The following GABRG3 variants were observed in gnomAD, a reference collection of about 807,000 sequenced individuals.
GABRG3 encodes gamma-aminobutyric acid type A receptor subunit gamma3.
A neutral mutation model predicts 48.8 loss-of-function variants in GABRG3; 25 were observed. The observed-to-expected ratio is 0.51, with a 90% CI of 0.37 to 0.72. GABRG3 has a LOEUF of 0.72. Ranked by LOEUF, GABRG3 falls within the 30% of genes least tolerant of loss-of-function variation. The probability of loss-of-function intolerance (pLI) is 0.00; values close to 1 mark genes in which losing one functional copy is unlikely to be tolerated. For synonymous variants in GABRG3, 227 were observed against 217.6 expected (o/e 1.04, Z -0.38); for missense variants, 394 against 577.9 (o/e 0.68, Z 3.26).
chr15:27,041,219 G>A (rs571776549), intron 3 of GABRG3, among the ~76,000 whole-genome samples: 1 of 152,210 alleles, frequency 6.6e-6, no homozygotes, highest in East Asian at 1.9e-4. Context: ...GTCTCTCTGT[G>A]TCACCCAGGC....
Position 27,057,760 on chromosome 15 carries a change from G to A in GABRG3, c.270+30939G>A, listed in dbSNP as rs139758616. Among the ~76,000 whole-genome samples, 6 of 152,286 alleles carry A rather than the reference G, an allele frequency of 3.9e-5. No individual in the cohort carries two copies. In the South Asian group the frequency reaches 8.3e-4, roughly 21 times the overall value. On this transcript the variant is annotated intron_variant, in intron 3 of 9. Coordinates refer to ENST00000615808, the MANE Select transcript of GABRG3 (RefSeq NM_033223.5). ...ATCTATCATACCAGCAGGTGGAATCGGTGTAGTTCAGGACATTCGCCATTT... is the reference window on the plus strand; with the variant it reads ...ATCTATCATACCAGCAGGTGGAATCAGTGTAGTTCAGGACATTCGCCATTT...
At chr15:27,313,969 T>C (rs1893122616) in intron 3 of GABRG3, among the ~76,000 whole-genome samples, 1 of 151,334 alleles carries the variant, frequency 6.6e-6, no homozygotes. Context: ...AAATAAAGAT[T>C]AGAGGATAAA....
chr15:26,980,918 A>G (rs1265063500), intron 2 of GABRG3, among the ~76,000 whole-genome samples: 1 of 152,050 alleles, frequency 6.6e-6, no homozygotes, highest in Non-Finnish European at 1.5e-5. Context: ...ACTGGGGTCT[A>G]TCTGAGGGTG....
intron 3 of GABRG3, among the ~76,000 whole-genome samples, chr15:27,033,081 G>A (rs1262274701): frequency 1.3e-5 from 2 of 152,192 alleles, no homozygotes; most frequent in Non-Finnish European, 2.9e-5. Context: ...GAGATAACCA[G>A]TATTGGTTGG....
intron 3 of GABRG3, among the ~76,000 whole-genome samples, chr15:27,206,663 C>T (rs1258432775): frequency 6.6e-6 from 1 of 152,072 alleles, no homozygotes; most frequent in Non-Finnish European, 1.5e-5. Context: ...AATTATTTCA[C>T]TATTATTTTG....
intron 3 of GABRG3, among the ~76,000 whole-genome samples, chr15:27,159,028 G>A (rs947584993): frequency 1.3e-5 from 2 of 152,002 alleles, no homozygotes; most frequent in African/African-American, 2.4e-5. Context: ...TCTCCAAACC[G>A]CTCACTTTGC....
intron 5 of GABRG3, among the ~76,000 whole-genome samples, chr15:27,435,506 C>T (rs1888583991): frequency 6.6e-6 from 1 of 152,144 alleles, no homozygotes; most frequent in Admixed American, 6.5e-5. Flanking sequence ...TGCTTCTGGG[C>T]TTGCACATTC....
chr15:27,234,164 A>G (rs897188277), intron 3 of GABRG3, among the ~76,000 whole-genome samples: 1 of 152,190 alleles, frequency 6.6e-6, no homozygotes, highest in Non-Finnish European at 1.5e-5. Flanking sequence ...TATTCTGTCT[A>G]ATTCTATTCT....
At chr15:27,396,129 G>A (rs532243324) in intron 5 of GABRG3, among the ~76,000 whole-genome samples, 4 of 152,322 alleles carry the variant, frequency 2.6e-5, no homozygotes, top group Admixed American at 6.5e-5. Flanking sequence ...CTCCCAAAGT[G>A]CTGGGATTAC....
chr15:27,537,244 T>C lies in GABRG3; in HGVS notation c.*4363T>C, dbSNP rs1891568264. On this transcript the variant is annotated 3_prime_UTR_variant, in exon 10 of 10. Coordinates refer to ENST00000615808, the MANE Select transcript of GABRG3 (RefSeq NM_033223.5). ...GTCCACCTTAGACTTTAGAACACTATCATTTAACAGATATTCAGAAAGGTT... is the reference window on the plus strand; with the variant it reads ...GTCCACCTTAGACTTTAGAACACTACCATTTAACAGATATTCAGAAAGGTT... 1 of 152,012 alleles carries C rather than the reference T, an allele frequency of 6.6e-6. No homozygotes were observed. The highest frequency in any genetic ancestry group is 1.5e-5 in the Non-Finnish European group (1 of 67,988). 9.4% of individuals were successfully genotyped at this position (152,012 alleles called of 1,614,324 possible).
intron 2 of GABRG3, among the ~76,000 whole-genome samples, chr15:27,010,233 G>A (rs1458036730): frequency 1.3e-5 from 2 of 152,146 alleles, no homozygotes; most frequent in African/African-American, 4.8e-5. Context: ...GATATCCAGA[G>A]CTGTGTGCCA....
rs1891595729 is a variant in GABRG3, at chr15:27,538,348, A to T, written c.*5467A>T. The T allele has an allele frequency of 6.6e-6, 1 of 152,240 alleles. No homozygotes were observed. Among genetic ancestry groups the T allele is most frequent in the Admixed American group, 6.5e-5 (1 of 15,286 alleles). 9.4% of individuals were successfully genotyped at this position (152,240 alleles called of 1,614,324 possible). ...TGAGTTAACCAAGTGGGCTTTTCAG[A>T]TTAGGTTATTCAAGAGCATGAGCTA... is the stretch of plus-strand genomic sequence containing the variant. On this transcript the variant is annotated 3_prime_UTR_variant, in exon 10 of 10. Coordinates refer to ENST00000615808, the MANE Select transcript of GABRG3 (RefSeq NM_033223.5).
intron 5 of GABRG3, among the ~76,000 whole-genome samples, chr15:27,385,226 CT>C (rs1895886290): frequency 1.9e-5 from 1 of 52,154 alleles, no homozygotes; most frequent in Non-Finnish European, 4.1e-5. Flanking sequence ...ACACCTCAAC[CT>C]TTTAAAACAC....
chr15:27,136,391 C>T lies in GABRG3; in HGVS notation c.270+109570C>T, dbSNP rs149889931. The stretch of plus-strand genomic sequence containing the variant: ...TTTTTTTGACTGCATGTTCTAATAC[C>T]CTTAAATTATGTCTGAACATAATTG... On this transcript the variant is annotated intron_variant, in intron 3 of 9. Transcript: ENST00000615808. 3.2e-3 allele frequency among the ~76,000 whole-genome samples: 481 copies of T among 152,034 alleles called. 1 individual carries two copies. The highest frequency in any genetic ancestry group is 0.011 in the African/African-American group (465 of 41,442).
chr15:27,347,053 C>T (rs1894400059), intron 5 of GABRG3, among the ~76,000 whole-genome samples: 3 of 151,348 alleles, frequency 2.0e-5, no homozygotes. Context: ...GGTAAATAGT[C>T]CATTAGGATG....
At position 27,306,567 on chromosome 15, in the gene GABRG3, T is replaced by TATGTTTATATATAAACATATAATATAAAC. The variant is rs1566768326; in HGVS notation, c.271-20240_271-20239insGTTTATATATAAACATATAATATAAACAT. 1.4e-3 allele frequency among the ~76,000 whole-genome samples: 61 copies of TATGTTTATATATAAACATATAATATAAAC among 42,984 alleles called. 2 individuals are homozygous for TATGTTTATATATAAACATATAATATAAAC. The South Asian group carries it at 0.024, about 17-fold the overall frequency. 28.2% of individuals were successfully genotyped at this position (42,984 alleles called of 152,430 possible). On this transcript the variant is annotated intron_variant, in intron 3 of 9. Transcript: ENST00000615808. The stretch of plus-strand genomic sequence containing the variant: ...AATATAAACATATATAATATAAACA[T>TATGTTTATATATAAACATATAATATAAAC]ATATGTTTATATATAAACATATAAT...
intron 2 of GABRG3, among the ~76,000 whole-genome samples, chr15:27,012,062 G>GCTATTATTAATAATAA (rs1895699226): frequency 6.6e-6 from 1 of 152,020 alleles, no homozygotes; most frequent in Non-Finnish European, 1.5e-5. Context: ...TATTAATAGT[G>GCTATTATTAATAATAA]TAAAGAATAT....
intron 2 of GABRG3, among the ~76,000 whole-genome samples, chr15:26,977,473 C>T (rs1463862753): frequency 6.6e-6 from 1 of 152,126 alleles, no homozygotes; most frequent in East Asian, 1.9e-4. Context: ...CTGCTTCCTT[C>T]CCCCAAAATT....
At chr15:27,308,972 G>A (rs1892885619) in intron 3 of GABRG3, among the ~76,000 whole-genome samples, 1 of 150,006 alleles carries the variant, frequency 6.7e-6, no homozygotes, top group Non-Finnish European at 1.5e-5. Context: ...AACACATAAT[G>A]TAAACATGTT....
Sources: gnomAD v4.1 joint callset for allele counts (sites outside exome capture counted in the v4.1 genomes callset) on GRCh38, gnomAD v4.1.1 for gene constraint, MANE v1.5 for transcripts, NCBI Gene and HGNC (gene_info 2026-07-23, HGNC 2026-07-21) for gene names.